KCNT2: variants seen among roughly 807,000 people sequenced by gnomAD.
The protein encoded by KCNT2 is potassium channel subfamily T member 2.
KCNT2 carries 67 observed loss-of-function variants against 153.8 expected under a neutral mutation model. That is an observed-to-expected ratio of 0.44 (90% CI 0.36 to 0.53). The LOEUF (loss-of-function observed/expected upper bound fraction) is 0.53, where lower values mean the gene tolerates loss of function less well. Ranked by LOEUF, KCNT2 falls within the 20% of genes least tolerant of loss-of-function variation. The probability of loss-of-function intolerance (pLI) is 0.00; values close to 1 mark genes in which losing one functional copy is unlikely to be tolerated. For synonymous variants in KCNT2, 500 were observed against 458.8 expected (o/e 1.09, Z -1.15); for missense variants, 975 against 1,354.8 (o/e 0.72, Z 4.40).
At chr1:196,530,320 T>A (rs549642334) in intron 1 of KCNT2, among the ~76,000 whole-genome samples, 2 of 152,108 alleles carry the variant, frequency 1.3e-5, no homozygotes, top group Admixed American at 1.3e-4. Context: ...ATGAGAGACC[T>A]GTTTTGATTG....
intron 25 of KCNT2, among the ~76,000 whole-genome samples, chr1:196,275,649 A>C (rs1357109014): frequency 2.0e-5 from 3 of 151,972 alleles, no homozygotes; most frequent in Admixed American, 6.6e-5. Flanking sequence ...ACATGGAAAG[A>C]TGACAGGCTG....
intron 12 of KCNT2, among the ~76,000 whole-genome samples, chr1:196,417,266 T>G (rs1672831729): frequency 6.6e-6 from 1 of 152,128 alleles, no homozygotes; most frequent in South Asian, 2.1e-4. Flanking sequence ...AAGGGTTATG[T>G]GAAGCTGACA....
chr1:196,569,005 C>CATCATTGCTGTGAGTGTGA (rs1238594483), intron 1 of KCNT2, among the ~76,000 whole-genome samples: 1 of 152,088 alleles, frequency 6.6e-6, no homozygotes, highest in Non-Finnish European at 1.5e-5. Flanking sequence ...AGGAGTCACT[C>CATCATTGCTGTGAGTGTGA]ATCATTGCTG....
intron 25 of KCNT2, among the ~76,000 whole-genome samples, chr1:196,267,851 CA>C (rs1657697677): frequency 6.6e-6 from 1 of 152,122 alleles, no homozygotes; most frequent in African/African-American, 2.4e-5. Flanking sequence ...AAGTCACTTG[CA>C]GGAAGGAAAA....
intron 14 of KCNT2, among the ~76,000 whole-genome samples, chr1:196,347,275 A>T (rs986838969): frequency 6.6e-6 from 1 of 152,122 alleles, no homozygotes; most frequent in African/African-American, 2.4e-5. Flanking sequence ...TTACAGTTCT[A>T]TCCCAATTTT....
intron 6 of KCNT2, among the ~76,000 whole-genome samples, chr1:196,468,314 C>A (rs548088814): frequency 6.6e-6 from 1 of 152,012 alleles, no homozygotes; most frequent in South Asian, 2.1e-4. Flanking sequence ...CAGAACAGAG[C>A]GACAGCTCCA....
chr1:196,331,636 TTAG>T (rs1307940832), intron 17 of KCNT2, among the ~76,000 whole-genome samples: 1 of 151,984 alleles, frequency 6.6e-6, no homozygotes, highest in Admixed American at 6.6e-5. Context: ...GGTAACAGAG[TTAG>T]TAGTTGCAAC....
At chr1:196,399,915 C>A (rs149692898) in intron 12 of KCNT2, among the ~76,000 whole-genome samples, 6 of 151,842 alleles carry the variant, frequency 4.0e-5, no homozygotes, top group Non-Finnish European at 7.4e-5. Flanking sequence ...GACATTGAGT[C>A]AGCTGGCTCC....
intron 27 of KCNT2, 21 bp downstream of exon 27, chr1:196,235,965 T>C: frequency 2.1e-6 from 3 of 1,418,020 alleles, no homozygotes; most frequent in Non-Finnish European, 3.0e-6. Flanking sequence ...CTGTCTTATA[T>C]GAGATATGAG....
chr1:196,360,422 G>A (rs1300320227), intron 14 of KCNT2, among the ~76,000 whole-genome samples: 1 of 152,032 alleles, frequency 6.6e-6, no homozygotes, highest in East Asian at 1.9e-4. Context: ...GGCAACAATA[G>A]CAGTTGGTAA....
chr1:196,555,195 C>T (rs553418966), intron 1 of KCNT2, among the ~76,000 whole-genome samples: 2 of 151,212 alleles, frequency 1.3e-5, no homozygotes, highest in South Asian at 4.1e-4. Flanking sequence ...GAAGAAATCA[C>T]ATTATCCTTA....
chr1:196,301,950 C>T (rs1481144691), intron 22 of KCNT2, among the ~76,000 whole-genome samples: 2 of 151,956 alleles, frequency 1.3e-5, no homozygotes, highest in Non-Finnish European at 2.9e-5. Context: ...ATGTTGGCCA[C>T]GCTGGTCTCG....
intron 1 of KCNT2, among the ~76,000 whole-genome samples, chr1:196,521,037 G>C (rs1044098835): frequency 1.3e-5 from 2 of 152,046 alleles, no homozygotes; most frequent in Non-Finnish European, 2.9e-5. Flanking sequence ...GAAAATATTT[G>C]CTAACTATAC....
intron 14 of KCNT2, among the ~76,000 whole-genome samples, chr1:196,349,434 A>G (rs1390288201): frequency 6.6e-6 from 1 of 152,112 alleles, no homozygotes; most frequent in Admixed American, 6.6e-5. Context: ...TCTGCAGGCT[A>G]ATTCTAACTG....
chr1:196,492,395 T>G (rs891446312), intron 1 of KCNT2, 54 bp from the exon 2 acceptor site: 3 of 1,154,222 alleles, frequency 2.6e-6, no homozygotes, highest in African/African-American at 3.2e-5. Flanking sequence ...ATATCTTTAT[T>G]TTCATGAAGA....
chr1:196,303,049 C>A (rs979717210), intron 22 of KCNT2, among the ~76,000 whole-genome samples: 2 of 151,784 alleles, frequency 1.3e-5, no homozygotes, highest in Admixed American at 1.3e-4. Flanking sequence ...ACAAAAGTCC[C>A]TTCCCTTTTC....
chr1:196,310,457 T>C (rs903346801), intron 21 of KCNT2, among the ~76,000 whole-genome samples: 2 of 151,938 alleles, frequency 1.3e-5, no homozygotes, highest in African/African-American at 4.8e-5. Context: ...TCAAAAATCT[T>C]ATCCATGTAA....
At chr1:196,602,238 G>A (rs542151600) in intron 1 of KCNT2, among the ~76,000 whole-genome samples, 7 of 152,136 alleles carry the variant, frequency 4.6e-5, no homozygotes, top group Non-Finnish European at 1.0e-4. Flanking sequence ...CAAATTGTAA[G>A]TATATAAAGC....
At chr1:196,510,528 A>G (rs781262918) in intron 1 of KCNT2, among the ~76,000 whole-genome samples, 6 of 152,248 alleles carry the variant, frequency 3.9e-5, no homozygotes, top group Admixed American at 6.5e-5. Context: ...GTATTACCAT[A>G]GCTAAACAGA....
Sources: allele counts gnomAD v4.1 joint callset (sites outside exome capture counted in the v4.1 genomes callset), GRCh38; gene constraint gnomAD v4.1.1; transcripts MANE v1.5; gene names NCBI Gene and HGNC (gene_info 2026-07-23, HGNC 2026-07-21).